MMP9: variants seen among roughly 807,000 people sequenced by gnomAD.
MMP9 encodes the protein matrix metalloproteinase-9.
In MMP9, 73 loss-of-function variants were observed where a neutral mutation model predicts 76.4. The observed-to-expected ratio is 0.96, with a 90% CI of 0.79 to 1.16. The LOEUF (loss-of-function observed/expected upper bound fraction) is 1.16, where lower values mean the gene tolerates loss of function less well. Ranked by LOEUF, MMP9 falls within the 50% of genes most tolerant of loss-of-function variation. The pLI, the probability that MMP9 is intolerant of heterozygous loss-of-function variation, is 0.00. For synonymous variants in MMP9, 412 were observed against 408.4 expected (o/e 1.01, Z -0.11); for missense variants, 943 against 973.0 (o/e 0.97, Z 0.41).
chr20:46,010,133 G>T lies in MMP9; in HGVS notation c.371+35G>T. On this transcript the variant is annotated intron_variant, in intron 2 of 12. Coordinates refer to ENST00000372330, the MANE Select transcript of MMP9 (RefSeq NM_004994.3). Reference sequence around the variant, plus strand: ...GGCCGTGGGGGCAGCGGGGTGGGGCGGGGAGGCCAGGTCTGGCTCTTGGGC... The same window carrying T: ...GGCCGTGGGGGCAGCGGGGTGGGGCTGGGAGGCCAGGTCTGGCTCTTGGGC... The T allele has an allele frequency of 2.0e-6, 3 of 1,481,350 alleles. No individual in the cohort carries two copies. The South Asian group carries it at 3.7e-5, about 18-fold the overall frequency. The allele number at this position is 1,481,350 out of a possible 1,614,324, so 91.8% of individuals were successfully genotyped here.
chr20:46,012,002 G>T (rs998625230), intron 6 of MMP9, 135 bp from the exon 7 acceptor site: 30 of 1,238,716 alleles, frequency 2.4e-5, no homozygotes, highest in African/African-American at 3.0e-5. Flanking sequence ...CACCGCCCAC[G>T]GGTCTAGCCT....
At position 46,013,353 on chromosome 20, in the gene MMP9, C is replaced by T; in HGVS notation, c.1429C>T (p.Pro477Ser). The T allele has an allele frequency of 3.1e-6, 5 of 1,613,464 alleles. No homozygotes were observed. The highest frequency in any genetic ancestry group is 4.2e-6 in the Non-Finnish European group (5 of 1,179,612). ...CCCCACCGGACCCCCCACTGTCCAC[C>T]CCTCAGAGCGCCCCACAGCTGGCCC... is the stretch of plus-strand genomic sequence containing the variant. ...VCPTGPPTVH[P>S]SERPTAGPTG... Residue 477 changes from proline (P) to serine (S), a missense_variant, in exon 9 of 13, where the codon CCC (proline) becomes TCC (serine). Physicochemically the swap from Pro to Ser is moderately conservative, Grantham distance 74. Coordinates refer to ENST00000372330, the MANE Select transcript of MMP9 (RefSeq NM_004994.3). The surrounding 1 kb of genome is among the most constrained non-coding windows in gnomAD (Gnocchi z 4.5).
In MMP9 at chr20:46,013,875, G is replaced by C. The variant is rs989429349; in HGVS notation, c.1750+79G>C. 43 of 1,583,276 alleles carry C rather than the reference G, an allele frequency of 2.7e-5. No individual in the cohort carries two copies. The African/African-American group carries it at 5.0e-4, about 18-fold the overall frequency. Reference sequence around the variant, plus strand: ...GCTCAAGAGACCATCGATAACCCACGAAACGTCTTGTGCGTTTTAGAAAAA... The same window carrying C: ...GCTCAAGAGACCATCGATAACCCACCAAACGTCTTGTGCGTTTTAGAAAAA... On this transcript the variant is annotated intron_variant, in intron 10 of 12. Transcript: ENST00000372330. The surrounding 1 kb of genome is among the most constrained non-coding windows in gnomAD (Gnocchi z 4.5).
Position 46,010,024 on chromosome 20 carries a change from C to T in MMP9, c.297C>T (p.Cys99=), listed in dbSNP as rs1278707177. ...ATLKAMRTPR[C]GVPDLGRFQT... ...TGAAGGCCATGCGAACCCCACGGTGCGGGGTCCCAGACCTGGGCAGATTCC... is the reference window on the plus strand; with the variant it reads ...TGAAGGCCATGCGAACCCCACGGTGTGGGGTCCCAGACCTGGGCAGATTCC... Residue 99 remains cysteine (C), a synonymous_variant, in exon 2 of 13, where the codon TGC becomes TGT. Coordinates refer to ENST00000372330, the MANE Select transcript of MMP9 (RefSeq NM_004994.3). 1.3e-6 allele frequency: 2 copies of T among 1,539,780 alleles called. No individual in the cohort carries two copies. Among genetic ancestry groups the T allele is most frequent in the Admixed American group, 2.0e-5 (1 of 50,596 alleles).
At position 46,013,406 on chromosome 20, in the gene MMP9, A is replaced by T. The variant is rs199548488; in HGVS notation, c.1482A>T (p.Thr494=). Residue 494 remains threonine, a synonymous_variant, in exon 9 of 13, where the codon ACA becomes ACT. Transcript: ENST00000372330. This position sits in a 1 kb window ranked among gnomAD's most constrained non-coding sequence, Gnocchi z 4.5. ...GPTGPPSAGP[T]GPPTAGPSTA... ...CAGGTCCCCCCTCAGCTGGCCCCAC[A>T]GGTCCCCCCACTGCTGGCCCTTCTA... is the stretch of plus-strand genomic sequence containing the variant. The T allele has an allele frequency of 8.7e-6, 14 of 1,609,074 alleles. No individual in the cohort carries two copies. The highest frequency in any genetic ancestry group is 1.1e-5 in the Non-Finnish European group (13 of 1,177,974).
Position 46,009,849 on chromosome 20 carries a change from T to C in MMP9, c.139-17T>C. The C allele has an allele frequency of 6.5e-7, 1 of 1,549,528 alleles. No individual in the cohort carries two copies. The highest frequency in any genetic ancestry group is 8.7e-7 in the Non-Finnish European group (1 of 1,145,002). ...AGGGGTCAGAGATCTGGCATGTGTG[T>C]GTCCCTTCATCCACAGGAATACCTG... On this transcript the variant is annotated splice_polypyrimidine_tract_variant and intron_variant, in intron 1 of 12. Coordinates refer to ENST00000372330, the MANE Select transcript of MMP9 (RefSeq NM_004994.3).
chr20:46,013,520 T>C lies in MMP9; in HGVS notation c.1596T>C (p.Tyr532=). The part of the protein sequence containing the change: ...DAIAEIGNQL[Y]LFKDGKYWRF... Reference sequence around the variant, plus strand: ...TCGCGGAGATTGGGAACCAGCTGTATTTGTTCAAGGATGGGTGAGGAGGCG... The same window carrying C: ...TCGCGGAGATTGGGAACCAGCTGTACTTGTTCAAGGATGGGTGAGGAGGCG... The change falls in exon 9 of 13, where the codon TAT becomes TAC. Residue 532 remains tyrosine, a synonymous_variant. Transcript: ENST00000372330. This position sits in a 1 kb window ranked among gnomAD's most constrained non-coding sequence, Gnocchi z 4.5. 6.2e-7 allele frequency: 1 copy of C among 1,614,078 alleles called. No homozygotes were observed. The highest frequency in any genetic ancestry group is 8.5e-7 in the Non-Finnish European group (1 of 1,179,996).
Position 46,013,179 on chromosome 20 carries a change from G to C in MMP9, c.1331-76G>C. Reference sequence around the variant, plus strand: ...GTGCCAGAGGAGGCTTCACTGAGAAGCTTAGGGGAGCAGATGTTCTAGGGG... The same window carrying C: ...GTGCCAGAGGAGGCTTCACTGAGAACCTTAGGGGAGCAGATGTTCTAGGGG... On this transcript the variant is annotated intron_variant, in intron 8 of 12. Transcript: ENST00000372330. This position sits in a 1 kb window ranked among gnomAD's most constrained non-coding sequence, Gnocchi z 4.5. 6.3e-7 allele frequency: 1 copy of C among 1,579,104 alleles called. No individual in the cohort carries two copies. The highest frequency in any genetic ancestry group is 8.7e-7 in the Non-Finnish European group (1 of 1,149,300).
chr20:46,011,492 G>T (rs1193340319), intron 5 of MMP9, 82 bp from the exon 6 acceptor site: 2 of 1,589,700 alleles, frequency 1.3e-6, no homozygotes, highest in East Asian at 2.2e-5. Flanking sequence ...GACCATCCAT[G>T]GGTCAAAGAA....
chr20:46,010,321 C>CAACAAAAAAAAAA (rs2084268099), intron 2 of MMP9, among the ~76,000 whole-genome samples, 162 bp from the exon 3 acceptor site: 1 of 62,504 alleles, frequency 1.6e-5, no homozygotes, highest in Non-Finnish European at 2.8e-5. Context: ...TCTAAGTAGA[C>CAACAAAAAAAAAA]AAAAAAAAAA....
chr20:46,010,337 A>AAAAAAAAAAAAAAAAAAAAAAAAC (rs1272580918), intron 2 of MMP9, 146 bp from the exon 3 acceptor site: 1 of 898,180 alleles, frequency 1.1e-6, no homozygotes, highest in African/African-American at 1.7e-5. Flanking sequence ...AAAAAAAAAA[A>AAAAAAAAAAAAAAAAAAAAAAAAC]AAAACAGTCT....
At chr20:46,010,332 A>AC (rs1555856977) in intron 2 of MMP9, 151 bp from the exon 3 acceptor site, 16,623 of 772,990 alleles carry the variant, frequency 0.022, 1,744 homozygotes, top group Middle Eastern at 0.029. Flanking sequence ...AAAAAAAAAA[A>AC]AAAAAAAAAC....
In MMP9 at chr20:46,011,860, G is replaced by A. The variant is rs568424637; in HGVS notation, c.997+113G>A. On this transcript the variant is annotated intron_variant, in intron 6 of 12. Transcript: ENST00000372330. The stretch of plus-strand genomic sequence containing the variant: ...TCTTTCCACTCTCATTGGTCCTCAG[G>A]ACGACCGTGACTCCGCCCACCTACA... 7 of 1,305,146 alleles carry A rather than the reference G, an allele frequency of 5.4e-6. No homozygotes were observed. The East Asian group carries it at 1.3e-4, about 23-fold the overall frequency. 80.8% of individuals were successfully genotyped at this position (1,305,146 alleles called of 1,614,324 possible). A position where few individuals can be genotyped will look rare whatever the true frequency, so the allele number is the denominator to read the frequency against.
intron 12 of MMP9, among the ~76,000 whole-genome samples, chr20:46,015,676 C>T (rs992792495): frequency 1.3e-5 from 2 of 152,264 alleles, no homozygotes; most frequent in Admixed American, 1.3e-4. Flanking sequence ...TGGTCTTGAA[C>T]TCCTGACCTC....
chr20:46,011,737 C>T lies in MMP9; in HGVS notation c.987C>T (p.Cys329=), dbSNP rs1302101551. 2 of 1,611,850 alleles carry T rather than the reference C, an allele frequency of 1.2e-6. No individual in the cohort carries two copies. The highest frequency in any genetic ancestry group is 8.5e-7 in the Non-Finnish European group (1 of 1,179,850). ...ACCGGGACAAGCTCTTCGGCTTCTG[C>T]CCGACCCGAGGTACCTCCACCCTGT... ...NYDRDKLFGF[C]PTRADSTVMG... The change falls in exon 6 of 13, where the codon TGC becomes TGT. Residue 329 remains cysteine (C), a synonymous_variant. Transcript: ENST00000372330.
In MMP9 at chr20:46,011,130, C is replaced by A. The variant is rs533941846; in HGVS notation, c.650-13C>A. On this transcript the variant is annotated splice_polypyrimidine_tract_variant and intron_variant, in intron 4 of 12. Coordinates refer to ENST00000372330, the MANE Select transcript of MMP9 (RefSeq NM_004994.3). ...ACCCGCCGCCCTAACTCCGGTCCCC[C>A]CTCCTCCTGCAGTGGTTCCAACTCG... 6.2e-7 allele frequency: 1 copy of A among 1,614,108 alleles called. No homozygotes were observed. Among genetic ancestry groups the A allele is most frequent in the Non-Finnish European group, 8.5e-7 (1 of 1,180,042 alleles).
intron 12 of MMP9, 102 bp downstream of exon 12, chr20:46,014,576 C>G (rs1432780533): frequency 3.3e-6 from 4 of 1,194,870 alleles, no homozygotes; most frequent in African/African-American, 1.5e-5. Context: ...GAAATGGAAA[C>G]AAATGCCCCA....
rs1425090630 is a variant in MMP9 at position 46,014,491 on chromosome 20, A to C, written c.2005+17A>C. On this transcript the variant is annotated intron_variant, in intron 12 of 12. Coordinates refer to ENST00000372330, the MANE Select transcript of MMP9 (RefSeq NM_004994.3). The stretch of plus-strand genomic sequence containing the variant: ...AGTACCGAGGTGAGGGCTGAGGAGG[A>C]TCCCTTCGTGAGACACCACACTAAG... The C allele has an allele frequency of 3.2e-6, 5 of 1,547,676 alleles. No homozygotes were observed. The highest frequency in any genetic ancestry group is 4.4e-6 in the Non-Finnish European group (5 of 1,145,876).
chr20:46,011,108 C>T (rs1170495743), intron 4 of MMP9, 35 bp from the exon 5 acceptor site: 2 of 1,613,952 alleles, frequency 1.2e-6, no homozygotes, highest in Admixed American at 1.7e-5. Context: ...ACTCATCACC[C>T]GCCGCCCTAA....
Sources: allele counts gnomAD v4.1 joint callset (sites outside exome capture counted in the v4.1 genomes callset), GRCh38; gene constraint gnomAD v4.1.1; non-coding constraint Gnocchi (gnomAD v3.1); transcripts MANE v1.5; gene names NCBI Gene and HGNC (gene_info 2026-07-23, HGNC 2026-07-21).